Variants in MMP16 observed in about 807,000 individuals in gnomAD.
MMP16 encodes matrix metalloproteinase-16.
In MMP16, 12 loss-of-function variants were observed where a neutral mutation model predicts 67.8. The ratio of observed to expected loss-of-function variants is 0.18; its 90% CI spans 0.11 to 0.29. The LOEUF (loss-of-function observed/expected upper bound fraction) is 0.29. Ranked by LOEUF, MMP16 falls within the 10% of genes least tolerant of loss-of-function variation. MMP16 has a pLI of 1.00. For missense variants in MMP16, 475 were observed against 765.7 expected, an observed-to-expected ratio of 0.62 and a Z score of 4.48; for synonymous variants, 249 against 255.9, an observed-to-expected ratio of 0.97 and a Z score of 0.26.
At chr8:88,062,098 T>A (rs549098078) in intron 7 of MMP16, among the ~76,000 whole-genome samples, 2 of 152,054 alleles carry the variant, frequency 1.3e-5, no homozygotes, top group Non-Finnish European at 2.9e-5. Context: ...TAATTATGAG[T>A]GATAACATTT....
chr8:88,182,865 T>C (rs548091527), intron 3 of MMP16, among the ~76,000 whole-genome samples: 98 of 152,238 alleles, frequency 6.4e-4, no homozygotes, highest in African/African-American at 2.3e-3. Flanking sequence ...CAATGGATTA[T>C]TGTTCAGCAA....
intron 1 of MMP16, among the ~76,000 whole-genome samples, chr8:88,245,756 A>G (rs1310129498): frequency 6.6e-6 from 1 of 152,176 alleles, no homozygotes; most frequent in African/African-American, 2.4e-5. Context: ...GATGAAGGGA[A>G]CAGATGGCAA....
intron 1 of MMP16, among the ~76,000 whole-genome samples, chr8:88,311,916 C>T (rs1811300925): frequency 1.3e-5 from 2 of 152,014 alleles, no homozygotes; most frequent in Admixed American, 1.3e-4. Context: ...AAATAGACAT[C>T]AGAAATAAAA....
intron 6 of MMP16, among the ~76,000 whole-genome samples, chr8:88,108,156 A>G (rs959280914): frequency 2.5e-4 from 38 of 151,300 alleles, no homozygotes; most frequent in Non-Finnish European, 1.2e-4. Flanking sequence ...AAAGATTTAA[A>G]CTGAAAAACA....
intron 1 of MMP16, among the ~76,000 whole-genome samples, chr8:88,298,229 C>G (rs1811041751): frequency 1.4e-5 from 2 of 141,846 alleles, no homozygotes; most frequent in Non-Finnish European, 2.9e-5. Flanking sequence ...CTAATAACAA[C>G]CATAAAACAT....
intron 6 of MMP16, among the ~76,000 whole-genome samples, chr8:88,090,825 T>A (rs1808921198): frequency 6.6e-6 from 1 of 151,850 alleles, no homozygotes; most frequent in Admixed American, 6.6e-5. Flanking sequence ...GTGGTCTGGA[T>A]ATGTCTCATG....
intron 6 of MMP16, among the ~76,000 whole-genome samples, chr8:88,081,727 ATACT>A (rs1401971370): frequency 2.6e-5 from 4 of 152,174 alleles, no homozygotes; most frequent in Non-Finnish European, 4.4e-5. Context: ...TAGAAAGATA[ATACT>A]TACATATATT....
intron 1 of MMP16, among the ~76,000 whole-genome samples, chr8:88,295,722 A>C (rs1811001975): frequency 6.6e-6 from 1 of 152,182 alleles, no homozygotes. Context: ...TCCAACGCTT[A>C]ATCTGTTTTT....
At position 88,196,127 on chromosome 8, in the gene MMP16, T is replaced by A. The variant is rs117493058; in HGVS notation, c.281+1031A>T. ...GTCAAAAGACGGATTCTGCAACTAC[T>A]CTGAAGTTCACTTAGCCTTTGACAT... On this transcript the variant is annotated intron_variant, in intron 2 of 9. Transcript: ENST00000286614. 5.3e-3 allele frequency among the ~76,000 whole-genome samples: 800 copies of A among 152,306 alleles called. 6 individuals are homozygous for A. The highest frequency in any genetic ancestry group is 0.01 in the Middle Eastern group (3 of 294).
chr8:88,081,268 G>A (rs1808747108), intron 6 of MMP16, among the ~76,000 whole-genome samples: 1 of 152,232 alleles, frequency 6.6e-6, no homozygotes, highest in South Asian at 2.1e-4. Context: ...GTGTACTTTG[G>A]AGAAAACTGC....
chr8:88,163,247 C>T (rs1808659701), intron 4 of MMP16, among the ~76,000 whole-genome samples: 2 of 152,066 alleles, frequency 1.3e-5, no homozygotes, highest in Admixed American at 1.3e-4. Context: ...ACACCATGAA[C>T]ACATTTAACT....
intron 4 of MMP16, among the ~76,000 whole-genome samples, chr8:88,137,935 T>C (rs559280571): frequency 2.0e-5 from 3 of 152,056 alleles, no homozygotes; most frequent in African/African-American, 4.8e-5. Flanking sequence ...TTAATTTCAG[T>C]TATTGTATAT....
intron 3 of MMP16, 131 bp from the exon 4 acceptor site, chr8:88,168,104 C>A: frequency 1.5e-6 from 1 of 648,372 alleles, no homozygotes; most frequent in East Asian, 2.8e-5. Context: ...GTATTCATTC[C>A]TCTTGTCTCT....
chr8:88,094,782 C>T (rs535242838), intron 6 of MMP16, among the ~76,000 whole-genome samples: 1 of 151,658 alleles, frequency 6.6e-6, no homozygotes, highest in Non-Finnish European at 1.5e-5. Context: ...ATTTTCTTTC[C>T]AGGTCTCATG....
chr8:88,121,646 A>G (rs1223908528), intron 4 of MMP16, among the ~76,000 whole-genome samples: 1 of 152,072 alleles, frequency 6.6e-6, no homozygotes, highest in Admixed American at 6.6e-5. Context: ...CAGGCAACAA[A>G]GGAGAAATCA....
At chr8:88,101,104 C>T (rs1482494599) in intron 6 of MMP16, among the ~76,000 whole-genome samples, 1 of 151,446 alleles carries the variant, frequency 6.6e-6, no homozygotes, top group East Asian at 2.0e-4. Context: ...GCACATGTAC[C>T]CTAGAACTTA....
At chr8:88,259,820 T>A (rs1810359019) in intron 1 of MMP16, among the ~76,000 whole-genome samples, 1 of 152,318 alleles carries the variant, frequency 6.6e-6, no homozygotes, top group East Asian at 1.9e-4. Context: ...CTCCAGCTAC[T>A]ACTGAGCACC....
intron 6 of MMP16, among the ~76,000 whole-genome samples, chr8:88,100,748 C>T (rs1208257164): frequency 6.6e-6 from 1 of 151,974 alleles, no homozygotes; most frequent in Non-Finnish European, 1.5e-5. Flanking sequence ...CAATGATAGA[C>T]TGGATTAAGA....
intron 1 of MMP16, among the ~76,000 whole-genome samples, chr8:88,289,825 T>C (rs148628487): frequency 1.3e-5 from 2 of 152,046 alleles, no homozygotes; most frequent in South Asian, 2.1e-4. Flanking sequence ...AATTCACAAG[T>C]GTTAGGTAAC....
Sources: gnomAD v4.1 joint callset for allele counts (sites outside exome capture counted in the v4.1 genomes callset) on GRCh38, gnomAD v4.1.1 for gene constraint, MANE v1.5 for transcripts, NCBI Gene and HGNC (gene_info 2026-07-23, HGNC 2026-07-21) for gene names.